The following FBXL2 variants were observed in gnomAD, a reference collection of about 807,000 sequenced individuals.
FBXL2 encodes F-box/LRR-repeat protein 2.
Under a neutral mutation model 69.2 loss-of-function variants are expected in FBXL2, and 38 were observed. That is an observed-to-expected ratio of 0.55 (90% CI 0.42 to 0.72). FBXL2 has a LOEUF of 0.72. Among genes scored for constraint, FBXL2 ranks in the 30% least tolerant of loss-of-function variants. The pLI is 0.00. For missense variants in FBXL2, 354 were observed against 520.3 expected (o/e 0.68, Z 3.11); for synonymous variants, 192 against 201.3 (o/e 0.95, Z 0.39).
intron 2 of FBXL2, among the ~76,000 whole-genome samples, chr3:33,345,683 G>A (rs1226108170): frequency 6.6e-6 from 1 of 151,970 alleles, no homozygotes; most frequent in Non-Finnish European, 1.5e-5. Context: ...TAAAAGAATA[G>A]CATACAAAAT....
intron 2 of FBXL2, among the ~76,000 whole-genome samples, chr3:33,333,121 T>G (rs1478654746): frequency 6.6e-6 from 1 of 152,148 alleles, no homozygotes; most frequent in Non-Finnish European, 1.5e-5. Context: ...GACTGCTTAA[T>G]GGGTATAGTG....
At chr3:33,398,981 A>G (rs573329657) in intron 12 of FBXL2, among the ~76,000 whole-genome samples, 1 of 152,378 alleles carries the variant, frequency 6.6e-6, no homozygotes, top group East Asian at 1.9e-4. Context: ...AAAGAGACAA[A>G]GAAGTACACG....
At chr3:33,321,770 G>A (rs776680201) in intron 2 of FBXL2, among the ~76,000 whole-genome samples, 2 of 152,172 alleles carry the variant, frequency 1.3e-5, no homozygotes. Flanking sequence ...ACTGAATACT[G>A]TAGGCACTTG....
At chr3:33,326,505 C>CA (rs543949783) in intron 2 of FBXL2, among the ~76,000 whole-genome samples, 19,948 of 96,296 alleles carry the variant, frequency 0.21, 1,605 homozygotes, top group African/African-American at 0.29. Flanking sequence ...GACTCCGTCT[C>CA]AAAAAAAAAA....
intron 10 of FBXL2, among the ~76,000 whole-genome samples, chr3:33,376,439 A>G (rs2042646467): frequency 6.6e-6 from 1 of 152,336 alleles, no homozygotes; most frequent in East Asian, 1.9e-4. Flanking sequence ...AGAAGGTACT[A>G]TATCATTTAG....
intron 1 of FBXL2, among the ~76,000 whole-genome samples, chr3:33,290,008 GATC>G (rs2125695570): frequency 6.6e-6 from 1 of 152,300 alleles, no homozygotes; most frequent in East Asian, 1.9e-4. Flanking sequence ...AGCAAAGAGA[GATC>G]TCCTCAAGGC....
chr3:33,343,237 C>T (rs886543160), intron 2 of FBXL2, among the ~76,000 whole-genome samples: 1 of 151,996 alleles, frequency 6.6e-6, no homozygotes, highest in Admixed American at 6.6e-5. Flanking sequence ...TAACATGTAG[C>T]ATAATACCAA....
intron 2 of FBXL2, among the ~76,000 whole-genome samples, chr3:33,342,711 C>CTT (rs71070130): frequency 0.04 from 1,519 of 38,008 alleles, 413 homozygotes; most frequent in Non-Finnish European, 0.052. Context: ...AATATAACTT[C>CTT]TTTTTTTTTT....
At chr3:33,321,607 G>T (rs1256955022) in intron 2 of FBXL2, among the ~76,000 whole-genome samples, 1 of 152,182 alleles carries the variant, frequency 6.6e-6, no homozygotes, top group Non-Finnish European at 1.5e-5. Context: ...GCCAGGATAT[G>T]TTCTGAGAAA....
intron 2 of FBXL2, among the ~76,000 whole-genome samples, chr3:33,304,095 A>G (rs2036514549): frequency 6.6e-6 from 1 of 152,084 alleles, no homozygotes; most frequent in African/African-American, 2.4e-5. Context: ...TATATTTGCA[A>G]AAGCACACTG....
chr3:33,347,264 C>A (rs996973859), intron 2 of FBXL2, among the ~76,000 whole-genome samples: 2 of 152,142 alleles, frequency 1.3e-5, no homozygotes, highest in Non-Finnish European at 2.9e-5. Flanking sequence ...GACATAATGA[C>A]CCCCAGTTCC....
intron 1 of FBXL2, among the ~76,000 whole-genome samples, chr3:33,282,502 T>C (rs2034133148): frequency 6.6e-6 from 1 of 152,216 alleles, no homozygotes; most frequent in Non-Finnish European, 1.5e-5. Flanking sequence ...CTTTGTTCTT[T>C]TGGCTTAGAA....
chr3:33,349,935 T>A (rs1371170381), intron 2 of FBXL2, among the ~76,000 whole-genome samples: 1 of 152,160 alleles, frequency 6.6e-6, no homozygotes, highest in African/African-American at 2.4e-5. Flanking sequence ...CAGACCCGGA[T>A]GGTGGTTTTA....
intron 1 of FBXL2, among the ~76,000 whole-genome samples, chr3:33,284,182 C>T (rs899299721): frequency 6.6e-6 from 1 of 152,188 alleles, no homozygotes; most frequent in Non-Finnish European, 1.5e-5. Context: ...CTCTTGTGGG[C>T]ATTTAGTGCT....
chr3:33,392,684 C>T (rs1185961569), downstream of FBXL2: 7 of 1,406,180 alleles, frequency 5.0e-6, no homozygotes, highest in Non-Finnish European at 6.9e-6. Flanking sequence ...GATTTTAAAA[C>T]AGTAAATATT....
chr3:33,373,112 GA>G lies in FBXL2; in HGVS notation c.314del (p.Asn105ThrfsTer5). On this transcript the variant is annotated frameshift_variant, in exon 6 of 15. Transcript: ENST00000484457. LOFTEE classifies it high-confidence loss of function. ...SSLKTFAQNC[R>X]NIEHLNLNGC... ...TTTAGGACCTTTGCACAGAACTGCC[GA>G]AACATTGAACATTTGAACCTCAATG... is the stretch of plus-strand genomic sequence containing the variant. 6.2e-7 allele frequency: 1 copy of G among 1,614,198 alleles called. No homozygotes were observed. The highest frequency in any genetic ancestry group is 8.5e-7 in the Non-Finnish European group (1 of 1,180,014).
chr3:33,353,556 A>G (rs2040981688), intron 2 of FBXL2, among the ~76,000 whole-genome samples: 1 of 152,238 alleles, frequency 6.6e-6, no homozygotes, highest in Non-Finnish European at 1.5e-5. Context: ...GATTCCAATC[A>G]TATGGCATCT....
At position 33,383,967 on chromosome 3, in the gene FBXL2, T is replaced by A. The variant is rs1208586745; in HGVS notation, c.952-22T>A. 8 of 1,610,724 alleles carry A rather than the reference T, an allele frequency of 5.0e-6. No individual in the cohort carries two copies. The Admixed American group carries it at 1.3e-4, about 27-fold the overall frequency. On this transcript the variant is annotated intron_variant, in intron 13 of 14. Transcript: ENST00000484457. ...TTGGAATAAGGGTCCTGCAAACATTTACTCATGTCTTCCTGTTCCAGAGCC... is the reference window on the plus strand; with the variant it reads ...TTGGAATAAGGGTCCTGCAAACATTAACTCATGTCTTCCTGTTCCAGAGCC...
intron 1 of FBXL2, among the ~76,000 whole-genome samples, chr3:33,283,593 C>T (rs2034278290): frequency 6.6e-6 from 1 of 152,116 alleles, no homozygotes. Context: ...CCCTCTTTTT[C>T]TATTGATTGG....
Sources: allele counts gnomAD v4.1 joint callset (sites outside exome capture counted in the v4.1 genomes callset), GRCh38; gene constraint gnomAD v4.1.1; transcripts MANE v1.5; gene names NCBI Gene and HGNC (gene_info 2026-07-23, HGNC 2026-07-21).